CNTN5: variants seen among roughly 807,000 people sequenced by gnomAD.
CNTN5 encodes contactin 5, also known as contactin-5.
In CNTN5, 77 loss-of-function variants were observed where a neutral mutation model predicts 129.1. The ratio of observed to expected loss-of-function variants is 0.60; its 90% confidence interval spans 0.50 to 0.72. The LOEUF (loss-of-function observed/expected upper bound fraction) is 0.72, where lower values mean the gene tolerates loss of function less well. Among genes scored for constraint, CNTN5 ranks in the 30% least tolerant of loss-of-function variants. CNTN5 has a pLI of 0.00. For synonymous variants in CNTN5, 509 were observed against 465.6 expected (o/e 1.09, Z -1.20); for missense variants, 1,478 against 1,328.8 (o/e 1.11, Z -1.75).
chr11:100,322,546 A>G (rs545435441), intron 21 of CNTN5, among the ~76,000 whole-genome samples: 67 of 152,254 alleles, frequency 4.4e-4, no homozygotes, highest in Middle Eastern at 3.4e-3. Flanking sequence ...TCTAAACTAC[A>G]TCGTAAGAGT....
At chr11:99,578,274 TGC>T (rs1315629916) in intron 3 of CNTN5, among the ~76,000 whole-genome samples, 3 of 152,060 alleles carry the variant, frequency 2.0e-5, no homozygotes, top group Admixed American at 2.0e-4. Context: ...TTGTGACTAG[TGC>T]CACAATAAAC....
At chr11:100,072,990 CA>C (rs61042118) in intron 12 of CNTN5, among the ~76,000 whole-genome samples, 3,307 of 79,010 alleles carry the variant, frequency 0.042, 63 homozygotes, top group Admixed American at 0.054. Flanking sequence ...TCCCAGGAGG[CA>C]AAAAAAAAAA....
chr11:100,140,363 G>A (rs1194888651), intron 13 of CNTN5, among the ~76,000 whole-genome samples: 1 of 152,186 alleles, frequency 6.6e-6, no homozygotes, highest in Non-Finnish European at 1.5e-5. Context: ...TAAATGTAAA[G>A]AGGGGGAAGT....
intron 9 of CNTN5, among the ~76,000 whole-genome samples, chr11:100,008,120 G>A (rs1420206235): frequency 6.6e-6 from 1 of 151,938 alleles, no homozygotes; most frequent in Admixed American, 6.6e-5. Context: ...CTTCAAAACA[G>A]TTACAATAAT....
At chr11:99,919,329 T>C (rs1005052266) in intron 7 of CNTN5, among the ~76,000 whole-genome samples, 5 of 152,308 alleles carry the variant, frequency 3.3e-5, no homozygotes, top group Admixed American at 2.0e-4. Context: ...TCTGCATTTT[T>C]ATCAGAGTTT....
intron 1 of CNTN5, among the ~76,000 whole-genome samples, chr11:99,209,545 G>A (rs1007281188): frequency 6.6e-6 from 1 of 152,196 alleles, no homozygotes; most frequent in African/African-American, 2.4e-5. Context: ...TGAGGGATCC[G>A]CCGCCATGAT....
chr11:99,940,590 A>G (rs1204695759), intron 7 of CNTN5, among the ~76,000 whole-genome samples: 1 of 152,164 alleles, frequency 6.6e-6, no homozygotes, highest in Non-Finnish European at 1.5e-5. Context: ...CCTTCTACAT[A>G]TGCATTTTCA....
At chr11:99,982,636 T>A (rs1205449142) in intron 8 of CNTN5, among the ~76,000 whole-genome samples, 1 of 152,096 alleles carries the variant, frequency 6.6e-6, no homozygotes, top group Non-Finnish European at 1.5e-5. Context: ...TTATTTATTT[T>A]TTATGTATTT....
intron 2 of CNTN5, among the ~76,000 whole-genome samples, chr11:99,394,539 C>T (rs1350786577): frequency 6.6e-6 from 1 of 151,054 alleles, no homozygotes; most frequent in African/African-American, 2.4e-5. Flanking sequence ...TGTTTTATTG[C>T]CCTTTTTAAA....
In CNTN5 at chr11:100,267,105, T is replaced by A. The variant is rs151329169; in HGVS notation, c.2165-3987T>A. 5.4e-3 allele frequency among the ~76,000 whole-genome samples: 818 copies of A among 152,236 alleles called. 9 individuals carry two copies. The highest frequency in any genetic ancestry group is 0.019 in the African/African-American group (782 of 41,554). On this transcript the variant is annotated intron_variant, in intron 17 of 24. Coordinates refer to ENST00000524871, the MANE Select transcript of CNTN5 (RefSeq NM_014361.4). ...GGAGTAAGAGGAATCAGAAGTACTATGGCAGGGTCAGTGTATCAGTCAACT... is the reference window on the plus strand; with the variant it reads ...GGAGTAAGAGGAATCAGAAGTACTAAGGCAGGGTCAGTGTATCAGTCAACT...
intron 2 of CNTN5, among the ~76,000 whole-genome samples, chr11:99,488,387 G>T (rs972123765): frequency 2.0e-5 from 3 of 151,914 alleles, no homozygotes; most frequent in Non-Finnish European, 4.4e-5. Flanking sequence ...TGGTCAGGCT[G>T]GTCTCGAACT....
chr11:100,004,964 G>A (rs924204770), intron 9 of CNTN5, among the ~76,000 whole-genome samples: 19 of 152,098 alleles, frequency 1.2e-4, no homozygotes, highest in South Asian at 2.1e-4. Flanking sequence ...ACAAGCCTGC[G>A]GATGCAATTG....
At chr11:99,501,398 T>C (rs1946422136) in intron 2 of CNTN5, among the ~76,000 whole-genome samples, 1 of 152,196 alleles carries the variant, frequency 6.6e-6, no homozygotes, top group Non-Finnish European at 1.5e-5. Context: ...AACCCTAGAT[T>C]TGTTTAACTA....
At chr11:100,308,619 G>A in intron 21 of CNTN5, 151 bp downstream of exon 21, 2 of 1,379,792 alleles carry the variant, frequency 1.4e-6, no homozygotes, top group Non-Finnish European at 1.9e-6. Context: ...TATTTTACTG[G>A]GATGTGTTAT....
chr11:100,174,224 C>G (rs551767346), intron 13 of CNTN5, among the ~76,000 whole-genome samples: 2 of 152,014 alleles, frequency 1.3e-5, no homozygotes, highest in South Asian at 2.1e-4. Flanking sequence ...ATCAGAGATA[C>G]GTAAAACGTG....
chr11:99,852,885 T>G (rs1947916621), intron 6 of CNTN5, among the ~76,000 whole-genome samples: 1 of 152,168 alleles, frequency 6.6e-6, no homozygotes, highest in African/African-American at 2.4e-5. Flanking sequence ...TGGAGACCTT[T>G]CCCAAGCATA....
intron 3 of CNTN5, among the ~76,000 whole-genome samples, chr11:99,583,605 G>C (rs1199891542): frequency 6.6e-6 from 1 of 152,206 alleles, no homozygotes; most frequent in African/African-American, 2.4e-5. Context: ...AGGCTCCGTG[G>C]GTGTAGGACT....
chr11:100,147,605 C>T (rs1946895533), intron 13 of CNTN5, among the ~76,000 whole-genome samples: 1 of 151,870 alleles, frequency 6.6e-6, no homozygotes, highest in South Asian at 2.1e-4. Flanking sequence ...CTAGGGGAGC[C>T]TTATATTTTT....
rs932480717 is a variant in CNTN5, at chr11:99,821,621, A to G, written c.277+1856A>G. On this transcript the variant is annotated intron_variant, in intron 4 of 24. Coordinates refer to ENST00000524871, the MANE Select transcript of CNTN5 (RefSeq NM_014361.4). ...TACTGTACCCATAATAATGAGTTTCATCTGTTTCAATAAAGGCAGATGAAA... is the reference window on the plus strand; with the variant it reads ...TACTGTACCCATAATAATGAGTTTCGTCTGTTTCAATAAAGGCAGATGAAA... 2.0e-5 allele frequency among the ~76,000 whole-genome samples: 3 copies of G among 152,266 alleles called. 1 individual carries two copies. The highest frequency in any genetic ancestry group is 7.2e-5 in the African/African-American group (3 of 41,558).
Sources: allele counts gnomAD v4.1 joint callset (sites outside exome capture counted in the v4.1 genomes callset), GRCh38; gene constraint gnomAD v4.1.1; transcripts MANE v1.5; gene names NCBI Gene and HGNC (gene_info 2026-07-23, HGNC 2026-07-21).